MTCP1: variants seen among roughly 807,000 people sequenced by gnomAD.
MTCP1 encodes mature T cell proliferation 1.
Under a neutral mutation model 10.6 loss-of-function variants are expected in MTCP1, and 2 were observed. The observed-to-expected ratio is 0.19, with a 90% CI of 0.08 to 0.59. The LOEUF is 0.59. MTCP1 is among the 20% of genes least tolerant of loss of function. MTCP1 has a pLI of 0.90. For missense variants in MTCP1, 33 were observed against 91.5 expected (o/e 0.36, Z 2.61); for synonymous variants, 29 against 34.4 (o/e 0.84, Z 0.55).
intron 1 of MTCP1, among the ~76,000 whole-genome samples, chrX:155,067,938 C>A (rs1321434253): frequency 8.0e-5 from 9 of 112,335 alleles, no homozygotes; most frequent in African/African-American, 2.9e-4. Context: ...TCCAAAGCCC[C>A]CCTTTTTTCC....
chrX:155,069,692 T>C (rs1421112285), intron 1 of MTCP1, among the ~76,000 whole-genome samples: 2 of 111,959 alleles, frequency 1.8e-5, no homozygotes, highest in Non-Finnish European at 3.8e-5. Context: ...TAGCATATAA[T>C]AAGCTTGCCA....
chrX:155,068,618 A>G (rs2073957922), intron 1 of MTCP1, among the ~76,000 whole-genome samples: 1 of 112,440 alleles, frequency 8.9e-6, no homozygotes, highest in Admixed American at 9.4e-5. Flanking sequence ...TGAGTGGAAA[A>G]ATGTGATTCT....
chrX:155,067,733 T>C (rs2073954126), intron 1 of MTCP1, among the ~76,000 whole-genome samples: 1 of 112,545 alleles, frequency 8.9e-6, no homozygotes, highest in African/African-American at 3.2e-5. Context: ...TTCTGCTCAA[T>C]AGCAGGAATG....
intron 1 of MTCP1, among the ~76,000 whole-genome samples, chrX:155,066,904 T>C (rs1291885789): frequency 8.9e-6 from 1 of 112,026 alleles, no homozygotes; most frequent in Non-Finnish European, 1.9e-5. Flanking sequence ...CCCAAAGCAT[T>C]TGAGTGGTAG....
intron 1 of MTCP1, among the ~76,000 whole-genome samples, chrX:155,068,795 A>G (rs1246650707): frequency 8.9e-6 from 1 of 112,531 alleles, no homozygotes. Context: ...TTTGCACATG[A>G]TACTTGTTTA....
intron 1 of MTCP1, 75 bp from the exon 2 acceptor site, chrX:155,066,132 G>A: frequency 2.0e-6 from 1 of 496,829 alleles, no homozygotes; most frequent in Non-Finnish European, 3.4e-6. Context: ...AAGGTGATCT[G>A]GTACTAGCAA....
At position 155,064,355 on chromosome X, in the gene MTCP1, T is replaced by G. The variant is rs2073940658; in HGVS notation, c.*1049A>C. The G allele has an allele frequency of 6.9e-6, 1 of 145,005 alleles. No individual in the cohort carries two copies. The highest frequency in any genetic ancestry group is 8.3e-5 in the Admixed American group (1 of 12,019). The allele number at this position is 145,005 out of a possible 1,213,427, so 12.0% of individuals were successfully genotyped here. On this transcript the variant is annotated 3_prime_UTR_variant, in exon 5 of 5. Coordinates refer to ENST00000369476, the MANE Select transcript of MTCP1 (RefSeq NM_001018025.4). ...CTCTATCATTCGCAGAAGAAACCCT[T>G]GATAAATGATTAAACTCCTTGAGCT...
At position 155,065,418 on chromosome X, in the gene MTCP1, A is replaced by C; in HGVS notation, c.*5-19T>G. 2.0e-6 allele frequency: 2 copies of C among 1,024,083 alleles called. No homozygotes were observed. Among genetic ancestry groups the C allele is most frequent in the Non-Finnish European group, 2.7e-6 (2 of 730,034 alleles). 84.4% of individuals were successfully genotyped at this position (1,024,083 alleles called of 1,213,427 possible). A position where few individuals can be genotyped will look rare whatever the true frequency, so the allele number is the denominator to read the frequency against. The stretch of plus-strand genomic sequence containing the variant: ...CCAGCACCTGGAAAAAAAAATCATT[A>C]AAATCACCACAACTGAATAGAGCCA... On this transcript the variant is annotated intron_variant, in intron 4 of 4. Transcript: ENST00000369476.
chrX:155,066,099 T>G (rs1557292003), intron 1 of MTCP1, 42 bp from the exon 2 acceptor site: 2 of 711,206 alleles, frequency 2.8e-6, no homozygotes, highest in Admixed American at 2.7e-5. Context: ...ACTTTTTGGG[T>G]TTGAATGAAC....
Position 155,065,415 on chromosome X carries a change from A to T in MTCP1, c.*5-16T>A. 1 of 1,016,204 alleles carries T rather than the reference A, an allele frequency of 9.8e-7. No individual in the cohort carries two copies. The highest frequency in any genetic ancestry group is 1.4e-6 in the Non-Finnish European group (1 of 723,004). 83.7% of individuals were successfully genotyped at this position (1,016,204 alleles called of 1,213,427 possible). On this transcript the variant is annotated splice_polypyrimidine_tract_variant and intron_variant, in intron 4 of 4. Coordinates refer to ENST00000369476, the MANE Select transcript of MTCP1 (RefSeq NM_001018025.4). ...ATCCCAGCACCTGGAAAAAAAAATC[A>T]TTAAAATCACCACAACTGAATAGAG...
At position 155,065,280 on chromosome X, in the gene MTCP1, G is replaced by A; in HGVS notation, c.*124C>T. On this transcript the variant is annotated 3_prime_UTR_variant, in exon 5 of 5. Coordinates refer to ENST00000369476, the MANE Select transcript of MTCP1 (RefSeq NM_001018025.4). Reference sequence around the variant, plus strand: ...CCCTTGCTAAACTTCTGTTTCTTGAGCAGTTTTTCAACCCACTCCCTCCCC... The same window carrying A: ...CCCTTGCTAAACTTCTGTTTCTTGAACAGTTTTTCAACCCACTCCCTCCCC... 2.3e-6 allele frequency: 1 copy of A among 435,898 alleles called. No individual in the cohort carries two copies. The highest frequency in any genetic ancestry group is 4.0e-6 in the Non-Finnish European group (1 of 247,056). 35.9% of individuals were successfully genotyped at this position (435,898 alleles called of 1,213,427 possible).
chrX:155,064,529 T>C lies in MTCP1; in HGVS notation c.*875A>G, dbSNP rs1247582916. 3 of 112,600 alleles carry C rather than the reference T, an allele frequency of 2.7e-5. No individual in the cohort carries two copies. In the East Asian group the frequency reaches 8.3e-4, roughly 31 times the overall value. The allele number at this position is 112,600 out of a possible 1,213,427, so 9.3% of individuals were successfully genotyped here. ...AGCTATTATTCCCAAGACTTTTTTT[T>C]TTAAAGTAAAACCTTACTTTTAATG... On this transcript the variant is annotated 3_prime_UTR_variant, in exon 5 of 5. Coordinates refer to ENST00000369476, the MANE Select transcript of MTCP1 (RefSeq NM_001018025.4).
Position 155,065,969 on chromosome X carries a change from C to A in MTCP1, c.42G>T (p.Trp14Cys), listed in dbSNP as rs2073946744. ...CGCGGTAGATACCCTCTTGGTGAAC[C>A]CAGAGGTGATCGGGTGGAGCCCCCA... ...EDVGAPPDHLWVHQEGIYRDE... is the reference protein window; with the variant it reads ...EDVGAPPDHLCVHQEGIYRDE... Residue 14 changes from tryptophan to cysteine, a missense_variant, in exon 2 of 5, where the codon TGG becomes TGT. Physicochemically the swap from Trp to Cys is radical, Grantham distance 215. Coordinates refer to ENST00000369476, the MANE Select transcript of MTCP1 (RefSeq NM_001018025.4). The A allele has an allele frequency of 8.3e-7, 1 of 1,210,231 alleles. No homozygotes were observed. The highest frequency in any genetic ancestry group is 1.7e-5 in the African/African-American group (1 of 57,226).
rs782294395 is a variant in MTCP1 at position 155,065,981 on chromosome X, G to T, written c.30C>A (p.Pro10=). Residue 10 remains proline, a synonymous_variant, in exon 2 of 5, where the codon CCC becomes CCA. Coordinates refer to ENST00000369476, the MANE Select transcript of MTCP1 (RefSeq NM_001018025.4). The part of the protein sequence containing the change: MAGEDVGAP[P]DHLWVHQEGI... ...CCTCTTGGTGAACCCAGAGGTGATC[G>T]GGTGGAGCCCCCACATCCTCTCCTG... The T allele has an allele frequency of 7.4e-6, 9 of 1,209,504 alleles. No homozygotes were observed. In the East Asian group the frequency reaches 2.1e-4, roughly 28 times the overall value.
In MTCP1 at chrX:155,065,927, C is replaced by G; in HGVS notation, c.84G>C (p.Thr28=). 2 of 1,211,815 alleles carry G rather than the reference C, an allele frequency of 1.7e-6. No individual in the cohort carries two copies. Among genetic ancestry groups the G allele is most frequent in the Non-Finnish European group, 1.1e-6 (1 of 895,189 alleles). The change falls in exon 2 of 5, where the codon ACG becomes ACC. Residue 28 remains threonine (T), a synonymous_variant. Coordinates refer to ENST00000369476, the MANE Select transcript of MTCP1 (RefSeq NM_001018025.4). ...TTACCTCTTCCACGACGGCCACCCA[C>G]GTGCGCTGGTATTCGTCGCGGTAGA... ...EGIYRDEYQR[T]WVAVVEEETS... is the part of the protein sequence containing the mutation.
intron 1 of MTCP1, among the ~76,000 whole-genome samples, chrX:155,066,570 T>C (rs1364441736): frequency 2.7e-5 from 3 of 112,164 alleles, no homozygotes; most frequent in African/African-American, 9.7e-5. Flanking sequence ...AATTAAAAGT[T>C]TGTTTTAAGG....
At chrX:155,070,073 T>C (rs782819558) in intron 1 of MTCP1, among the ~76,000 whole-genome samples, 1 of 112,424 alleles carries the variant, frequency 8.9e-6, no homozygotes, top group East Asian at 2.8e-4. Context: ...AGATGTGCCA[T>C]GTGATCCTTA....
In MTCP1 at chrX:155,065,194, T is replaced by C; in HGVS notation, c.*210A>G. On this transcript the variant is annotated 3_prime_UTR_variant, in exon 5 of 5. Transcript: ENST00000369476. ...TACGGATCCTGACTAAGTGCTTTTG[T>C]TGACTTGCTTTCTGCCTACGTAACC... 1 of 344,961 alleles carries C rather than the reference T, an allele frequency of 2.9e-6. No homozygotes were observed. The highest frequency in any genetic ancestry group is 5.0e-6 in the Non-Finnish European group (1 of 198,734). The allele number at this position is 344,961 out of a possible 1,213,427, so 28.4% of individuals were successfully genotyped here.
intron 1 of MTCP1, 118 bp from the exon 2 acceptor site, chrX:155,066,175 T>C: frequency 2.3e-6 from 1 of 430,983 alleles, no homozygotes; most frequent in East Asian, 3.8e-5. Context: ...ATATGTCTAT[T>C]TGCACAACCT....
Sources: gnomAD v4.1 joint callset for allele counts (sites outside exome capture counted in the v4.1 genomes callset) on GRCh38, gnomAD v4.1.1 for gene constraint, MANE v1.5 for transcripts, NCBI Gene and HGNC (gene_info 2026-07-23, HGNC 2026-07-21) for gene names.